Variants in PATJ observed in about 807,000 individuals in gnomAD.
The protein encoded by PATJ is PATJ crumbs cell polarity complex component.
A neutral mutation model predicts 224.9 loss-of-function variants in PATJ; 190 were observed. The ratio of observed to expected loss-of-function variants is 0.84; its 90% CI spans 0.75 to 0.95. The LOEUF is 0.95. Ranked by LOEUF, PATJ falls within the 40% of genes least tolerant of loss-of-function variation. PATJ has a pLI of 0.00. For synonymous variants in PATJ, 769 were observed against 820.3 expected (o/e 0.94, Z 1.07); for missense variants, 2,121 against 2,270.3 (o/e 0.93, Z 1.34).
chr1:62,101,829 CT>C (rs1455957287), intron 33 of PATJ, among the ~76,000 whole-genome samples: 1 of 152,120 alleles, frequency 6.6e-6, no homozygotes, highest in Non-Finnish European at 1.5e-5. Context: ...GAGATTCTCC[CT>C]TTCACTGATT....
intron 27 of PATJ, among the ~76,000 whole-genome samples, chr1:61,988,921 G>A (rs1469077631): frequency 6.6e-6 from 1 of 152,208 alleles, no homozygotes; most frequent in African/African-American, 2.4e-5. Context: ...GCATTAGAAT[G>A]AGCATTTAGG....
chr1:61,771,288 G>A (rs1014790075), intron 5 of PATJ, 143 bp from the exon 6 acceptor site: 2 of 492,456 alleles, frequency 4.1e-6, no homozygotes, highest in African/African-American at 2.0e-5. Context: ...ACTCTGAAGA[G>A]CTCTGTTATA....
At chr1:62,078,665 C>G (rs1180407267) in intron 31 of PATJ, 2 of 152,354 alleles carry the variant, frequency 1.3e-5, no homozygotes, top group Admixed American at 6.6e-5. Context: ...TTCCCAAACT[C>G]ACACAGTAGA....
At chr1:61,972,285 A>G (rs1683087293) in intron 27 of PATJ, among the ~76,000 whole-genome samples, 2 of 152,046 alleles carry the variant, frequency 1.3e-5, no homozygotes, top group Admixed American at 1.3e-4. Context: ...GTGTGGCTTC[A>G]TGCGACTGTG....
At chr1:62,012,914 A>G (rs1646536817) in intron 28 of PATJ, among the ~76,000 whole-genome samples, 1 of 152,236 alleles carries the variant, frequency 6.6e-6, no homozygotes, top group African/African-American at 2.4e-5. Flanking sequence ...AGTTGAATCA[A>G]GGTTCACTCT....
intron 37 of PATJ, 38 bp from the exon 38 acceptor site, chr1:62,121,143 G>C: frequency 7.6e-7 from 1 of 1,316,088 alleles, no homozygotes; most frequent in Non-Finnish European, 1.1e-6. Flanking sequence ...GGTCAAGTCA[G>C]TGTCTGCACA....
chr1:61,917,727 G>A (rs1452435080), intron 26 of PATJ, among the ~76,000 whole-genome samples: 2 of 152,174 alleles, frequency 1.3e-5, no homozygotes, highest in Admixed American at 6.5e-5. Flanking sequence ...AGGAGCATGT[G>A]TTCTTTTAAG....
chr1:61,968,018 GA>G (rs886460185), intron 27 of PATJ, among the ~76,000 whole-genome samples: 1 of 150,882 alleles, frequency 6.6e-6, no homozygotes, highest in Non-Finnish European at 1.5e-5. Context: ...AGCCCTGCCT[GA>G]AAAAAAAATC....
chr1:62,109,795 C>G lies in PATJ; in HGVS notation c.4461+1275C>G, dbSNP rs149993157. On this transcript the variant is annotated intron_variant, in intron 34 of 43. Coordinates refer to ENST00000642238, the MANE Select transcript of PATJ (RefSeq NM_001350145.3). ...CACTTGAAACTAAATCTAACATGTT[C>G]ATTATCTTGAATGTGGTGATGGCTT... Among the ~76,000 whole-genome samples, 531 of 152,270 alleles carry G rather than the reference C, an allele frequency of 3.5e-3. 3 individuals are homozygous for G. Among genetic ancestry groups the G allele is most frequent in the African/African-American group, 0.012 (508 of 41,546 alleles).
chr1:62,082,604 T>G (rs1054708332), intron 32 of PATJ, among the ~76,000 whole-genome samples: 1 of 152,152 alleles, frequency 6.6e-6, no homozygotes, highest in Admixed American at 6.5e-5. Context: ...TTGTAAATAT[T>G]TTAGGCTTAT....
intron 29 of PATJ, among the ~76,000 whole-genome samples, chr1:62,022,973 A>C (rs1340649083): frequency 6.6e-6 from 1 of 152,170 alleles, no homozygotes; most frequent in African/African-American, 2.4e-5. Context: ...CCATCTGAAG[A>C]AGCAACTCGG....
At chr1:62,012,200 G>A (rs1646494266) in intron 28 of PATJ, among the ~76,000 whole-genome samples, 1 of 152,072 alleles carries the variant, frequency 6.6e-6, no homozygotes, top group South Asian at 2.1e-4. Context: ...TATAGAGATG[G>A]CTGTTAGAAA....
At chr1:62,054,793 A>T (rs1027763721) in intron 31 of PATJ, among the ~76,000 whole-genome samples, 1 of 152,188 alleles carries the variant, frequency 6.6e-6, no homozygotes, top group Non-Finnish European at 1.5e-5. Context: ...ACGGTGATTC[A>T]TGCCTATAAT....
intron 41 of PATJ, 22 bp downstream of exon 41, chr1:62,128,967 G>A (rs756110583): frequency 2.9e-5 from 43 of 1,505,120 alleles, no homozygotes; most frequent in Admixed American, 2.2e-4. Context: ...AACGGAGCAC[G>A]CAGCTGTGCA....
At position 62,148,280 on chromosome 1, in the gene PATJ, C is replaced by T; in HGVS notation, c.5272-4C>T. On this transcript the variant is annotated splice_polypyrimidine_tract_variant and splice_region_variant and intron_variant, in intron 41 of 43. Transcript: ENST00000642238. ...GAAATACCTTTTTTTCACTTTTTCC[C>T]CAGGTTGTAGCAGATACCAATATAA... 1 of 1,606,978 alleles carries T rather than the reference C, an allele frequency of 6.2e-7. No individual in the cohort carries two copies. Among genetic ancestry groups the T allele is most frequent in the South Asian group, 1.1e-5 (1 of 90,858 alleles).
At chr1:61,751,892 A>G (rs978514935) in intron 1 of PATJ, among the ~76,000 whole-genome samples, 1 of 152,166 alleles carries the variant, frequency 6.6e-6, no homozygotes, top group African/African-American at 2.4e-5. Flanking sequence ...TAATCCCAGC[A>G]CTTTGGGAGG....
intron 41 of PATJ, among the ~76,000 whole-genome samples, 155 bp from the exon 42 acceptor site, chr1:62,148,120 TTAAAAAAAA>T (rs1668249005): frequency 1.8e-5 from 2 of 108,484 alleles, no homozygotes; most frequent in African/African-American, 6.8e-5. Flanking sequence ...GACACTGTCT[TTAAAAAAAA>T]AAAAAAAAAA....
intron 22 of PATJ, among the ~76,000 whole-genome samples, chr1:61,887,893 A>G (rs1443642832): frequency 6.6e-6 from 1 of 152,124 alleles, no homozygotes; most frequent in Non-Finnish European, 1.5e-5. Context: ...TTTTATTAAA[A>G]CCTTAATCCA....
At chr1:61,855,495 G>A (rs982063977) in intron 17 of PATJ, among the ~76,000 whole-genome samples, 3 of 151,986 alleles carry the variant, frequency 2.0e-5, no homozygotes, top group East Asian at 1.9e-4. Context: ...TGACTTCCTG[G>A]GCTGAAGCAA....
Sources: gnomAD v4.1 joint callset for allele counts (sites outside exome capture counted in the v4.1 genomes callset) on GRCh38, gnomAD v4.1.1 for gene constraint, MANE v1.5 for transcripts, NCBI Gene and HGNC (gene_info 2026-07-23, HGNC 2026-07-21) for gene names.